Variants in JUP observed in about 807,000 individuals in gnomAD.
The protein encoded by JUP is junction plakoglobin, also known as catenin (cadherin-associated protein), gamma 80kDa.
Under a neutral mutation model 71.1 loss-of-function variants are expected in JUP, and 28 were observed. That is an observed-to-expected ratio of 0.39 (90% CI 0.29 to 0.54). The LOEUF is 0.54. Ranked by LOEUF, JUP falls within the 20% of genes least tolerant of loss-of-function variation. The pLI, the probability that JUP is intolerant of heterozygous loss-of-function variation, is 0.62. For synonymous variants in JUP, 401 were observed against 438.9 expected (o/e 0.91, Z 1.08); for missense variants, 869 against 1,030.1 (o/e 0.84, Z 2.14).
At chr17:41,776,846 A>C (rs1555608867) in intron 1 of JUP, among the ~76,000 whole-genome samples, 1 of 152,064 alleles carries the variant, frequency 6.6e-6, no homozygotes, top group East Asian at 1.9e-4. Context: ...CTCTACTAAA[A>C]ATACAAAAAA....
Position 41,755,667 on chromosome 17 carries a change from G to T in JUP, c.*77C>A. On this transcript the variant is annotated 3_prime_UTR_variant, in exon 14 of 14. Coordinates refer to ENST00000393931, the MANE Select transcript of JUP (RefSeq NM_002230.4). ...GAGCGCAGGTTTCAGCGGGGAGATGGGAGGGCCTCCAACAGAAGGAGGTTC... is the reference window on the plus strand; with the variant it reads ...GAGCGCAGGTTTCAGCGGGGAGATGTGAGGGCCTCCAACAGAAGGAGGTTC... 1 of 1,368,054 alleles carries T rather than the reference G, an allele frequency of 7.3e-7. No individual in the cohort carries two copies. Among genetic ancestry groups the T allele is most frequent in the Non-Finnish European group, 9.8e-7 (1 of 1,020,434 alleles). The allele number at this position is 1,368,054 out of a possible 1,614,324, so 84.7% of individuals were successfully genotyped here. A position where few individuals can be genotyped will look rare whatever the true frequency, so the allele number is the denominator to read the frequency against.
intron 2 of JUP, among the ~76,000 whole-genome samples, chr17:41,770,575 G>A (rs547820957): frequency 2.6e-4 from 39 of 152,254 alleles, no homozygotes; most frequent in East Asian, 1.2e-3. Context: ...ACTGGCATGC[G>A]AGGGCTGAGC....
intron 1 of JUP, among the ~76,000 whole-genome samples, chr17:41,781,364 A>G (rs2047156566): frequency 2.0e-5 from 3 of 151,852 alleles, no homozygotes; most frequent in Admixed American, 1.3e-4. Context: ...CTCAAAAAAA[A>G]AAAAAGAAAG....
intron 8 of JUP, among the ~76,000 whole-genome samples, chr17:41,761,059 T>C (rs1028170289): frequency 1.3e-5 from 2 of 152,114 alleles, no homozygotes; most frequent in Admixed American, 6.6e-5. Flanking sequence ...ACTCTGTCCC[T>C]TGGGTCTGCC....
Position 41,779,408 on chromosome 17 carries a change from A to C in JUP, c.-9+7180T>G, listed in dbSNP as rs562415299. Among the ~76,000 whole-genome samples, 522 of 142,696 alleles carry C rather than the reference A, an allele frequency of 3.7e-3. 1 individual carries two copies. Among genetic ancestry groups the C allele is most frequent in the Non-Finnish European group, 6.1e-3 (401 of 66,130 alleles). The allele number at this position is 142,696 out of a possible 152,430, so 93.6% of individuals were successfully genotyped here. On this transcript the variant is annotated intron_variant, in intron 1 of 13. Transcript: ENST00000393931. Reference sequence around the variant, plus strand: ...AGTGGCACAATCTTGGCTCACTGCAAGCTCCGCCTCCCGGGTTCACGCCAT... The same window carrying C: ...AGTGGCACAATCTTGGCTCACTGCACGCTCCGCCTCCCGGGTTCACGCCAT...
rs1555604628 is a variant in JUP at position 41,767,591 on chromosome 17, G to A, written c.708-11C>T. On this transcript the variant is annotated splice_polypyrimidine_tract_variant and intron_variant, in intron 4 of 13. Coordinates refer to ENST00000393931, the MANE Select transcript of JUP (RefSeq NM_002230.4). Reference sequence around the variant, plus strand: ...GACTCCACAGGGGAGCTGGGGGGGTGGGCAGGGGTTAGTACGCTGAGGTCC... The same window carrying A: ...GACTCCACAGGGGAGCTGGGGGGGTAGGCAGGGGTTAGTACGCTGAGGTCC... 9 of 1,567,624 alleles carry A rather than the reference G, an allele frequency of 5.7e-6. No individual in the cohort carries two copies. The highest frequency in any genetic ancestry group is 1.7e-5 in the Admixed American group (1 of 59,862).
intron 6 of JUP, 43 bp from the exon 7 acceptor site, chr17:41,764,859 C>T: frequency 6.2e-7 from 1 of 1,613,726 alleles, no homozygotes; most frequent in Non-Finnish European, 8.5e-7. Context: ...GGGAGCATGG[C>T]TGACTGAGCC....
chr17:41,766,631 G>A (rs782295857), intron 5 of JUP, among the ~76,000 whole-genome samples: 6 of 152,038 alleles, frequency 3.9e-5, no homozygotes, highest in Non-Finnish European at 7.4e-5. Context: ...GAGGCAGATG[G>A]ACAACCTAAG....
chr17:41,764,534 GAAA>G (rs1555603054), intron 7 of JUP, among the ~76,000 whole-genome samples, 176 bp downstream of exon 7: 13 of 83,910 alleles, frequency 1.5e-4, no homozygotes, highest in Non-Finnish European at 1.2e-4. Context: ...GACTCCGTCA[GAAA>G]AAAAAAAAAA....
rs1555603690 is a variant in JUP, at chr17:41,765,455, A to T, written c.910-388T>A. Among the ~76,000 whole-genome samples, 3 of 152,064 alleles carry T rather than the reference A, an allele frequency of 2.0e-5. No individual in the cohort carries two copies. In the South Asian group the frequency reaches 6.2e-4, roughly 32 times the overall value. On this transcript the variant is annotated intron_variant, in intron 5 of 13. Coordinates refer to ENST00000393931, the MANE Select transcript of JUP (RefSeq NM_002230.4). ...CAACCTCCGCCTCCCGGGTTCAAGC[A>T]ATTCTCATGCCTCAGCCTCCCAAGT...
intron 8 of JUP, among the ~76,000 whole-genome samples, chr17:41,761,381 C>A (rs886525142): frequency 1.1e-4 from 16 of 152,154 alleles, no homozygotes; most frequent in Admixed American, 7.9e-4. Context: ...TGGCCGCTAG[C>A]CATCCCCAGT....
At position 41,755,227 on chromosome 17, in the gene JUP, ACAG is replaced by A; in HGVS notation, c.*514_*516del. On this transcript the variant is annotated 3_prime_UTR_variant, in exon 14 of 14. Coordinates refer to ENST00000393931, the MANE Select transcript of JUP (RefSeq NM_002230.4). ...GTCTGAAGCTTTAGTGGCCAGGGCC[ACAG>A]GGGCGGGGAGGGGGTGTCAGGCCCT... The A allele has an allele frequency of 2.5e-6, 1 of 398,808 alleles. No homozygotes were observed. The highest frequency in any genetic ancestry group is 4.4e-6 in the Non-Finnish European group (1 of 226,360). 24.7% of individuals were successfully genotyped at this position (398,808 alleles called of 1,614,324 possible).
chr17:41,783,730 G>C (rs138960999), intron 1 of JUP, among the ~76,000 whole-genome samples: 5 of 151,680 alleles, frequency 3.3e-5, no homozygotes, highest in Non-Finnish European at 5.9e-5. Flanking sequence ...ACCAGCCTGC[G>C]CAACATGGTG....
At chr17:41,774,175 G>A (rs1555607934) in intron 1 of JUP, among the ~76,000 whole-genome samples, 1 of 146,380 alleles carries the variant, frequency 6.8e-6, no homozygotes, top group African/African-American at 2.5e-5. Flanking sequence ...CAACCGCCAG[G>A]AGACTGCTGA....
At position 41,755,461 on chromosome 17, in the gene JUP, T is replaced by G. The variant is rs1480291683; in HGVS notation, c.*283A>C. The G allele has an allele frequency of 1.1e-4, 46 of 425,998 alleles. No homozygotes were observed. The highest frequency in any genetic ancestry group is 1.3e-4 in the Non-Finnish European group (32 of 242,234). The allele number at this position is 425,998 out of a possible 1,614,324, so 26.4% of individuals were successfully genotyped here. ...TTAGGGGAGCGGGGACAGACAGGGG[T>G]CAGGGGCTCGGTGGACCTGCATCCC... On this transcript the variant is annotated 3_prime_UTR_variant, in exon 14 of 14. Coordinates refer to ENST00000393931, the MANE Select transcript of JUP (RefSeq NM_002230.4).
rs545959746 is a variant in JUP at position 41,775,268 on chromosome 17, G to A, written c.-8-3406C>T. 7.2e-5 allele frequency among the ~76,000 whole-genome samples: 11 copies of A among 152,262 alleles called. No homozygotes were observed. In the South Asian group the frequency reaches 1.7e-3, roughly 23 times the overall value. On this transcript the variant is annotated intron_variant, in intron 1 of 13. Coordinates refer to ENST00000393931, the MANE Select transcript of JUP (RefSeq NM_002230.4). The stretch of plus-strand genomic sequence containing the variant: ...CAGAAGAAGGCTGGGGGTGGGCAAC[G>A]TCAGAGTTGGGAACCAGTTCAGAGA...
intron 8 of JUP, 30 bp downstream of exon 8, chr17:41,762,953 G>C (rs1555601965): frequency 1.2e-6 from 2 of 1,601,602 alleles, no homozygotes; most frequent in East Asian, 4.5e-5. Context: ...CTGCTGCAGG[G>C]AGCTCCTTCC....
chr17:41,778,575 T>C (rs2046997231), intron 1 of JUP, among the ~76,000 whole-genome samples: 2 of 138,626 alleles, frequency 1.4e-5, no homozygotes, highest in African/African-American at 5.2e-5. Context: ...AAAAAAATGT[T>C]ACTATATACA....
At position 41,758,737 on chromosome 17, in the gene JUP, G is replaced by A. The variant is rs782762751; in HGVS notation, c.1631C>T (p.Ala544Val). 4 of 1,603,598 alleles carry A rather than the reference G, an allele frequency of 2.5e-6. No individual in the cohort carries two copies. In the Admixed American group the frequency reaches 5.1e-5, roughly 21 times the overall value. The change falls in exon 9 of 14, where the codon GCA becomes GTA. Residue 544 changes from alanine to valine, a missense_variant. Physicochemically the swap from Ala to Val is moderately conservative, Grantham distance 64. Coordinates refer to ENST00000393931, the MANE Select transcript of JUP (RefSeq NM_002230.4). ...AHQDAQRHVA[A>V]GTQQPYTDGV... ...TACCGTGTAGGGCTGCTGTGTGCCTGCAGCTACGTGGCGCTGGGCATCCTG... is the reference window on the plus strand; with the variant it reads ...TACCGTGTAGGGCTGCTGTGTGCCTACAGCTACGTGGCGCTGGGCATCCTG...
Sources: allele counts gnomAD v4.1 joint callset (sites outside exome capture counted in the v4.1 genomes callset), GRCh38; gene constraint gnomAD v4.1.1; transcripts MANE v1.5; gene names NCBI Gene and HGNC (gene_info 2026-07-23, HGNC 2026-07-21).